The following PROS1 variants were observed in gnomAD, a reference collection of about 807,000 sequenced individuals.
The protein encoded by PROS1 is vitamin K-dependent protein S.
Under a neutral mutation model 75.9 loss-of-function variants are expected in PROS1, and 29 were observed. The observed-to-expected ratio is 0.38, with a 90% CI of 0.28 to 0.52. The LOEUF (loss-of-function observed/expected upper bound fraction) is 0.52, where lower values mean the gene tolerates loss of function less well. PROS1 is among the 20% of genes least tolerant of loss of function. The probability of loss-of-function intolerance (pLI) is 0.83; values close to 1 mark genes in which losing one functional copy is unlikely to be tolerated. For synonymous variants in PROS1, 245 were observed against 280.6 expected (o/e 0.87, Z 1.27); for missense variants, 680 against 810.3 (o/e 0.84, Z 1.95).
chr3:93,958,002 C>G (rs1033370962), intron 1 of PROS1, among the ~76,000 whole-genome samples: 2 of 151,938 alleles, frequency 1.3e-5, no homozygotes, highest in African/African-American at 4.8e-5. Context: ...GCAGGAGAAT[C>G]ACTTGAACCC....
intron 9 of PROS1, among the ~76,000 whole-genome samples, chr3:93,895,965 A>G (rs1708496055): frequency 6.6e-6 from 1 of 152,192 alleles, no homozygotes; most frequent in Admixed American, 6.5e-5. Flanking sequence ...CTCTGTCTCA[A>G]AAATAAATAA....
rs758454472 is a variant in PROS1, at chr3:93,884,946, G to T, written c.1324-50C>A. The T allele has an allele frequency of 5.4e-6, 8 of 1,495,254 alleles. No individual in the cohort carries two copies. In the African/African-American group the frequency reaches 9.7e-5, roughly 18 times the overall value. 92.6% of individuals were successfully genotyped at this position (1,495,254 alleles called of 1,614,324 possible). ...GGAGTGCATTTTAAACTTAAACAGTGGCTCGATTATGAGTATAGGTTTTCA... is the reference window on the plus strand; with the variant it reads ...GGAGTGCATTTTAAACTTAAACAGTTGCTCGATTATGAGTATAGGTTTTCA... On this transcript the variant is annotated intron_variant, in intron 11 of 14. Transcript: ENST00000394236.
chr3:93,954,403 A>G (rs1709563037), intron 1 of PROS1, among the ~76,000 whole-genome samples: 2 of 151,954 alleles, frequency 1.3e-5, no homozygotes, highest in African/African-American at 4.8e-5. Flanking sequence ...ACAGAACAGA[A>G]CCCTTAGAAA....
At chr3:93,934,829 A>G (rs1709157212) in intron 1 of PROS1, among the ~76,000 whole-genome samples, 1 of 152,174 alleles carries the variant, frequency 6.6e-6, no homozygotes, top group African/African-American at 2.4e-5. Flanking sequence ...AGATCATTGA[A>G]TGAGTACAGG....
intron 12 of PROS1, among the ~76,000 whole-genome samples, chr3:93,880,430 C>G (rs188884761): frequency 4.6e-5 from 7 of 151,876 alleles, no homozygotes; most frequent in Non-Finnish European, 8.8e-5. Flanking sequence ...CGCTTGAACT[C>G]AGGAGGCAGA....
intron 7 of PROS1, among the ~76,000 whole-genome samples, chr3:93,900,185 G>T (rs1311392397): frequency 6.6e-6 from 1 of 152,190 alleles, no homozygotes; most frequent in Non-Finnish European, 1.5e-5. Flanking sequence ...TGCACACAGG[G>T]CAGCGCCACT....
chr3:93,965,573 C>G (rs1419834163), intron 1 of PROS1, among the ~76,000 whole-genome samples: 4 of 152,206 alleles, frequency 2.6e-5, no homozygotes, highest in Non-Finnish European at 4.4e-5. Flanking sequence ...AACCCCAGGT[C>G]AGAGAACACT....
At chr3:93,961,781 G>A (rs150911090) in intron 1 of PROS1, among the ~76,000 whole-genome samples, 17 of 152,292 alleles carry the variant, frequency 1.1e-4, no homozygotes, top group Admixed American at 7.2e-4. Context: ...GCCAGCTTCC[G>A]TTCTAACAGT....
chr3:93,898,571 T>G lies in PROS1; in HGVS notation c.728-2A>C. 6.2e-7 allele frequency: 1 copy of G among 1,612,020 alleles called. No homozygotes were observed. Among genetic ancestry groups the G allele is most frequent in the Non-Finnish European group, 8.5e-7 (1 of 1,178,544 alleles). On this transcript the variant is annotated splice_acceptor_variant, in intron 7 of 14. Transcript: ENST00000394236. LOFTEE classifies it high-confidence loss of function. ...TGTTCTCAGAGCATTCATCTATATC[T>G]GAGGTAAAAAAAACACACGCACACA...
intron 3 of PROS1, among the ~76,000 whole-genome samples, chr3:93,919,217 A>G (rs1279314661): frequency 1.3e-5 from 2 of 152,194 alleles, no homozygotes; most frequent in African/African-American, 4.8e-5. Flanking sequence ...TGTGATCATT[A>G]AATAGGAATG....
chr3:93,896,481 A>G, intron 9 of PROS1, 95 bp downstream of exon 9: 1 of 892,942 alleles, frequency 1.1e-6, no homozygotes, highest in Non-Finnish European at 1.9e-6. Context: ...TCTGATAGGT[A>G]ATACAATTTC....
intron 1 of PROS1, among the ~76,000 whole-genome samples, chr3:93,965,166 C>T (rs961492423): frequency 3.3e-5 from 5 of 152,308 alleles, no homozygotes; most frequent in Admixed American, 3.3e-4. Flanking sequence ...GGGTCCCCTC[C>T]CTTTGTATGG....
chr3:93,892,579 A>G (rs1194678359), intron 10 of PROS1, among the ~76,000 whole-genome samples: 1 of 151,494 alleles, frequency 6.6e-6, no homozygotes, highest in African/African-American at 2.4e-5. Context: ...AGCTGAGATC[A>G]CGCCACTGCA....
chr3:93,946,792 C>T (rs1021203645), intron 1 of PROS1, among the ~76,000 whole-genome samples: 2 of 118,176 alleles, frequency 1.7e-5, no homozygotes, highest in African/African-American at 3.3e-5. Context: ...CAACAAAAGC[C>T]AAAATTGACA....
intron 1 of PROS1, among the ~76,000 whole-genome samples, chr3:93,950,223 G>T (rs1709473226): frequency 6.6e-6 from 1 of 152,174 alleles, no homozygotes; most frequent in Non-Finnish European, 1.5e-5. Context: ...GATCAAGGAG[G>T]CCTGCCTGTC....
At chr3:93,903,173 A>T (rs1183172321) in intron 6 of PROS1, among the ~76,000 whole-genome samples, 1 of 152,060 alleles carries the variant, frequency 6.6e-6, no homozygotes, top group Non-Finnish European at 1.5e-5. Flanking sequence ...TGGCTGTAAC[A>T]GTTTTTTATA....
At chr3:93,915,025 C>T (rs561048164) in intron 3 of PROS1, among the ~76,000 whole-genome samples, 1 of 152,108 alleles carries the variant, frequency 6.6e-6, no homozygotes, top group Non-Finnish European at 1.5e-5. Flanking sequence ...TGGGACACAC[C>T]CTTGGTTTGC....
chr3:93,890,725 C>T (rs1708419692), intron 10 of PROS1, among the ~76,000 whole-genome samples: 1 of 152,186 alleles, frequency 6.6e-6, no homozygotes, highest in Admixed American at 6.5e-5. Flanking sequence ...CAAAAGCACT[C>T]ACTAAAAGCT....
chr3:93,880,163 T>G (rs1247749480), intron 12 of PROS1, among the ~76,000 whole-genome samples: 1 of 152,182 alleles, frequency 6.6e-6, no homozygotes, highest in Admixed American at 6.5e-5. Flanking sequence ...TTCTTCCACT[T>G]AGCCACATAT....
Sources: gnomAD v4.1 joint callset for allele counts (sites outside exome capture counted in the v4.1 genomes callset) on GRCh38, gnomAD v4.1.1 for gene constraint, MANE v1.5 for transcripts, NCBI Gene and HGNC (gene_info 2026-07-23, HGNC 2026-07-21) for gene names.